Variants in BCL6B observed in about 807,000 individuals in gnomAD.
BCL6B encodes the protein B-cell CLL/lymphoma 6 member B protein.
BCL6B carries 28 observed loss-of-function variants against 44.6 expected under a neutral mutation model. The observed-to-expected ratio is 0.63, with a 90% confidence interval of 0.47 to 0.86. The LOEUF is 0.86. BCL6B is among the 40% of genes least tolerant of loss of function. BCL6B has a pLI of 0.00. For synonymous variants in BCL6B, 268 were observed against 263.6 expected (o/e 1.02, Z -0.16); for missense variants, 626 against 652.3 (o/e 0.96, Z 0.44).
Position 7,027,803 on chromosome 17 carries a change from T to C in BCL6B, c.*184T>C. On this transcript the variant is annotated 3_prime_UTR_variant, in exon 9 of 9. Coordinates refer to ENST00000293805, the MANE Select transcript of BCL6B (RefSeq NM_181844.4). ...CAGATCCTGGCTAGATCTGCCTCTG[T>C]TTTGCTGGTCAAAACCTCTTCCCCA... The C allele has an allele frequency of 1.4e-6, 2 of 1,430,000 alleles. No homozygotes were observed. The highest frequency in any genetic ancestry group is 1.8e-6 in the Non-Finnish European group (2 of 1,096,110). 88.6% of individuals were successfully genotyped at this position (1,430,000 alleles called of 1,614,324 possible). A position where few individuals can be genotyped will look rare whatever the true frequency, so the allele number is the denominator to read the frequency against.
chr17:7,029,352 G>A lies in BCL6B; in HGVS notation c.*1733G>A. On this transcript the variant is annotated 3_prime_UTR_variant, in exon 9 of 9. Coordinates refer to ENST00000293805, the MANE Select transcript of BCL6B (RefSeq NM_181844.4). ...GGGGCTTATCTGATTATGGGACGAG[G>A]GTAGAAAGTAAGAAGCACTTTTGAA... 1 of 993,380 alleles carries A rather than the reference G, an allele frequency of 1.0e-6. No homozygotes were observed. Among genetic ancestry groups the A allele is most frequent in the Non-Finnish European group, 1.2e-6 (1 of 835,374 alleles). The allele number at this position is 993,380 out of a possible 1,614,324, so 61.5% of individuals were successfully genotyped here. A position where few individuals can be genotyped will look rare whatever the true frequency, so the allele number is the denominator to read the frequency against.
chr17:7,025,729 C>T (rs768843326), intron 5 of BCL6B, among the ~76,000 whole-genome samples: 2 of 149,100 alleles, frequency 1.3e-5, no homozygotes, highest in Non-Finnish European at 3.0e-5. Flanking sequence ...CCCAGCTACT[C>T]AGGAAGCTAA....
rs376284939 is a variant in BCL6B at position 7,027,614 on chromosome 17, C to T, written c.1435C>T (p.Pro479Ser). 6 of 1,613,036 alleles carry T rather than the reference C, an allele frequency of 3.7e-6. No individual in the cohort carries two copies. The African/African-American group carries it at 8.0e-5, about 22-fold the overall frequency. ...AGTGCACTACCACATTCTCGGGGGG[C>T]CCTAGCTGAGCGCAGGCCCAGGCCC... Reference protein sequence around the residue: ...TKVHYHILGGP With the variant: ...TKVHYHILGGS The change falls in exon 9 of 9, where the codon CCC (proline) becomes TCC (serine). Residue 479 changes from proline (P) to serine (S), a missense_variant. Coordinates refer to ENST00000293805, the MANE Select transcript of BCL6B (RefSeq NM_181844.4).
In BCL6B at chr17:7,024,891, G is replaced by A. The variant is rs1910240564; in HGVS notation, c.764+128G>A. ...TTCAGAGACACTAGCTCACCTTAAGGAGCTGGCCAGAGACCAGGTTTATTC... is the reference window on the plus strand; with the variant it reads ...TTCAGAGACACTAGCTCACCTTAAGAAGCTGGCCAGAGACCAGGTTTATTC... On this transcript the variant is annotated intron_variant, in intron 4 of 8. Coordinates refer to ENST00000293805, the MANE Select transcript of BCL6B (RefSeq NM_181844.4). The surrounding 1 kb of genome is among the most constrained non-coding windows in gnomAD (Gnocchi z 6.6). 2.1e-6 allele frequency: 3 copies of A among 1,461,168 alleles called. No individual in the cohort carries two copies. The highest frequency in any genetic ancestry group is 2.7e-6 in the Non-Finnish European group (3 of 1,106,334). 90.5% of individuals were successfully genotyped at this position (1,461,168 alleles called of 1,614,324 possible). A position where few individuals can be genotyped will look rare whatever the true frequency, so the allele number is the denominator to read the frequency against.
intron 2 of BCL6B, 72 bp downstream of exon 2, chr17:7,023,922 C>T: frequency 6.4e-7 from 1 of 1,564,842 alleles, no homozygotes; most frequent in Non-Finnish European, 8.7e-7. Flanking sequence ...GAGAGGGAAT[C>T]CGAAGCCAAG....
chr17:7,028,822 T>G lies in BCL6B; in HGVS notation c.*1203T>G. 1.0e-6 allele frequency: 1 copy of G among 985,436 alleles called. No individual in the cohort carries two copies. Among genetic ancestry groups the G allele is most frequent in the Non-Finnish European group, 1.2e-6 (1 of 829,920 alleles). The allele number at this position is 985,436 out of a possible 1,614,324, so 61.0% of individuals were successfully genotyped here. A position where few individuals can be genotyped will look rare whatever the true frequency, so the allele number is the denominator to read the frequency against. On this transcript the variant is annotated 3_prime_UTR_variant, in exon 9 of 9. Coordinates refer to ENST00000293805, the MANE Select transcript of BCL6B (RefSeq NM_181844.4). ...ACCCATCCTTTACTACAGAGGCATA[T>G]GGGTTTGAATGTTACCTGGGGTTCT...
rs765843482 is a variant in BCL6B at position 7,024,492 on chromosome 17, G to A, written c.493G>A (p.Glu165Lys). The A allele has an allele frequency of 6.2e-7, 1 of 1,610,402 alleles. No individual in the cohort carries two copies. Among genetic ancestry groups the A allele is most frequent in the South Asian group, 1.1e-5 (1 of 90,996 alleles). ...APPPGSPRRSEGHPDPPTESR... is the reference protein window; with the variant it reads ...APPPGSPRRSKGHPDPPTESR... ...TCCACCAGGTAGTCCCAGGCGCTCC[G>A]AAGGACACCCAGACCCACCTACTGA... is the stretch of plus-strand genomic sequence containing the variant. Residue 165 changes from glutamate (E) to lysine (K), a missense_variant, in exon 4 of 9, where the codon GAA becomes AAA. By Grantham distance (56) the Glu-to-Lys change is moderately conservative. Coordinates refer to ENST00000293805, the MANE Select transcript of BCL6B (RefSeq NM_181844.4). This position sits in a 1 kb window ranked among gnomAD's most constrained non-coding sequence, Gnocchi z 6.6.
Position 7,029,312 on chromosome 17 carries a change from GC to G in BCL6B, c.*1697del. ...CGCTGAAGCCTTGATTGATAGTTCT[GC>G]CCCTTGTTGCCCTGGGGCTTATCTG... On this transcript the variant is annotated 3_prime_UTR_variant, in exon 9 of 9. Transcript: ENST00000293805. The G allele has an allele frequency of 1.0e-6, 1 of 988,600 alleles. No homozygotes were observed. Among genetic ancestry groups the G allele is most frequent in the East Asian group, 1.1e-4 (1 of 8,870 alleles). The allele number at this position is 988,600 out of a possible 1,614,324, so 61.2% of individuals were successfully genotyped here.
intron 5 of BCL6B, 32 bp from the exon 6 acceptor site, chr17:7,026,425 C>G: frequency 6.2e-7 from 1 of 1,610,352 alleles, no homozygotes; most frequent in Non-Finnish European, 8.5e-7. Flanking sequence ...TCATTAATAA[C>G]TATGGTTGCC....
intron 5 of BCL6B, 81 bp from the exon 6 acceptor site, chr17:7,026,376 A>G: frequency 6.6e-7 from 1 of 1,514,520 alleles, no homozygotes. Flanking sequence ...AAAGCCTGCT[A>G]CTGTGTGGTT....
chr17:7,026,698 C>T lies in BCL6B; in HGVS notation c.1055-7C>T, dbSNP rs755231251. 1.9e-6 allele frequency: 3 copies of T among 1,614,254 alleles called. No individual in the cohort carries two copies. The South Asian group carries it at 3.3e-5, about 18-fold the overall frequency. ...AGTCCCTGATCTCCCATGTTCTCTG[C>T]CTCCAGGGGAAAAGCCTTACCACTG... On this transcript the variant is annotated splice_polypyrimidine_tract_variant and splice_region_variant and intron_variant, in intron 6 of 8. Coordinates refer to ENST00000293805, the MANE Select transcript of BCL6B (RefSeq NM_181844.4).
In BCL6B at chr17:7,026,963, G is replaced by A. The variant is rs777388875; in HGVS notation, c.1199G>A (p.Arg400Gln). The A allele has an allele frequency of 6.2e-6, 10 of 1,612,430 alleles. 1 individual carries two copies. The highest frequency in any genetic ancestry group is 5.5e-5 in the South Asian group (5 of 91,064). The change falls in exon 8 of 9, where the codon CGG (arginine) becomes CAG (glutamine). Residue 400 changes from arginine (R) to glutamine (Q), a missense_variant. Coordinates refer to ENST00000293805, the MANE Select transcript of BCL6B (RefSeq NM_181844.4). ...CCTCCCTCCCAGGTGGCACATCTGCGGGCGCACGTGCTGATCCACACCGGG... is the reference window on the plus strand; with the variant it reads ...CCTCCCTCCCAGGTGGCACATCTGCAGGCGCACGTGCTGATCCACACCGGG... Reference protein sequence around the residue: ...GSRFVQVAHLRAHVLIHTGEK... With the variant: ...GSRFVQVAHLQAHVLIHTGEK...
At position 7,029,142 on chromosome 17, in the gene BCL6B, C is replaced by T; in HGVS notation, c.*1523C>T. ...GTAAAAGATTGACTAGCCCATAGGC[C>T]AAAGGCCTGTTCTAGTTGACCAAGT... On this transcript the variant is annotated 3_prime_UTR_variant, in exon 9 of 9. Transcript: ENST00000293805. The T allele has an allele frequency of 1.0e-6, 1 of 985,530 alleles. No homozygotes were observed. The highest frequency in any genetic ancestry group is 1.2e-6 in the Non-Finnish European group (1 of 830,038). The allele number at this position is 985,530 out of a possible 1,614,324, so 61.0% of individuals were successfully genotyped here.
rs779350768 is a variant in BCL6B at position 7,024,173 on chromosome 17, C to G, written c.270C>G (p.Ala90=). The change falls in exon 3 of 9, where the codon GCC becomes GCG. Residue 90 remains alanine, a synonymous_variant. Transcript: ENST00000293805. This position sits in a 1 kb window ranked among gnomAD's most constrained non-coding sequence, Gnocchi z 6.6. ...LPGGPEARGF[A]PLLDFMYTSR... ...GGGGTCCCGAAGCGAGAGGCTTCGC[C>G]CCTCTATTGGACTTCATGTACACTT... is the stretch of plus-strand genomic sequence containing the variant. The G allele has an allele frequency of 1.2e-6, 2 of 1,614,000 alleles. No individual in the cohort carries two copies. Among genetic ancestry groups the G allele is most frequent in the Admixed American group, 3.3e-5 (2 of 60,014 alleles).
rs1910376497 is a variant in BCL6B at position 7,028,804 on chromosome 17, CTTTACTA to C, written c.*1186_*1192del. On this transcript the variant is annotated 3_prime_UTR_variant, in exon 9 of 9. Transcript: ENST00000293805. ...AGATGGTAAACAGTGTTAACCCATCCTTTACTACAGAGGCATATGGGTTTGAATGTTA... is the reference window on the plus strand; with the variant it reads ...AGATGGTAAACAGTGTTAACCCATCCCAGAGGCATATGGGTTTGAATGTTA... 1.0e-6 allele frequency: 1 copy of C among 985,372 alleles called. No individual in the cohort carries two copies. 61.0% of individuals were successfully genotyped at this position (985,372 alleles called of 1,614,324 possible). A position where few individuals can be genotyped will look rare whatever the true frequency, so the allele number is the denominator to read the frequency against.
At position 7,028,676 on chromosome 17, in the gene BCL6B, A is replaced by G; in HGVS notation, c.*1057A>G. ...GAGTTGATCGCTCCATGGGGGAGAG[A>G]TCAGACATTCCTTATCAGAGATGAT... On this transcript the variant is annotated 3_prime_UTR_variant, in exon 9 of 9. Coordinates refer to ENST00000293805, the MANE Select transcript of BCL6B (RefSeq NM_181844.4). 1 of 985,414 alleles carries G rather than the reference A, an allele frequency of 1.0e-6. No individual in the cohort carries two copies. The allele number at this position is 985,414 out of a possible 1,614,324, so 61.0% of individuals were successfully genotyped here. A position where few individuals can be genotyped will look rare whatever the true frequency, so the allele number is the denominator to read the frequency against.
chr17:7,026,390 G>A, intron 5 of BCL6B, 67 bp from the exon 6 acceptor site: 1 of 1,552,896 alleles, frequency 6.4e-7, no homozygotes, highest in Non-Finnish European at 8.8e-7. Flanking sequence ...TGTGGTTTGA[G>A]GATTCAGTAG....
Position 7,026,516 on chromosome 17 carries a change from G to A in BCL6B, c.949G>A (p.Asp317Asn), listed in dbSNP as rs1231850360. 6.2e-7 allele frequency: 1 copy of A among 1,614,086 alleles called. No homozygotes were observed. Among genetic ancestry groups the A allele is most frequent in the African/African-American group, 1.3e-5 (1 of 74,936 alleles). Residue 317 changes from aspartate (D) to asparagine (N), a missense_variant, in exon 6 of 9, where the codon GAC (aspartate) becomes AAC (asparagine). Coordinates refer to ENST00000293805, the MANE Select transcript of BCL6B (RefSeq NM_181844.4). ...TGTGGCAGGGTGCTCATCGGGGCTG[G>A]ACTCCTTGGTTCCTGGGGACGAAGA... ...EAVAGCSSGLDSLVPGDEDKP... is the reference protein window; with the variant it reads ...EAVAGCSSGLNSLVPGDEDKP...
At position 7,024,264 on chromosome 17, in the gene BCL6B, G is replaced by A; in HGVS notation, c.361G>A (p.Glu121Lys). 1 of 1,613,664 alleles carries A rather than the reference G, an allele frequency of 6.2e-7. No homozygotes were observed. Among genetic ancestry groups the A allele is most frequent in the Non-Finnish European group, 8.5e-7 (1 of 1,180,026 alleles). ...VLAAATYLQM[E>K]HVVQACHRFI... The stretch of plus-strand genomic sequence containing the variant: ...AGCGGCCGCCACCTATTTGCAGATG[G>A]AGCACGTGGTCCAGGCATGCCACCG... Residue 121 changes from glutamate to lysine, a missense_variant, in exon 3 of 9, where the codon GAG (glutamate) becomes AAG (lysine). Glu to Lys is a moderately conservative substitution (Grantham distance 56). Coordinates refer to ENST00000293805, the MANE Select transcript of BCL6B (RefSeq NM_181844.4). The surrounding 1 kb of genome is among the most constrained non-coding windows in gnomAD (Gnocchi z 6.6).
Sources: allele counts gnomAD v4.1 joint callset (sites outside exome capture counted in the v4.1 genomes callset), GRCh38; gene constraint gnomAD v4.1.1; non-coding constraint Gnocchi (gnomAD v3.1); transcripts MANE v1.5; gene names NCBI Gene and HGNC (gene_info 2026-07-23, HGNC 2026-07-21).